PASD1: variants seen among roughly 807,000 people sequenced by gnomAD.
PASD1 encodes circadian clock protein PASD1.
In PASD1, 13 loss-of-function variants were observed where a neutral mutation model predicts 58.8. That is an observed-to-expected ratio of 0.22 (90% CI 0.14 to 0.35). The LOEUF (loss-of-function observed/expected upper bound fraction) is 0.35. Ranked by LOEUF, PASD1 falls within the 10% of genes least tolerant of loss-of-function variation. The pLI, the probability that PASD1 is intolerant of heterozygous loss-of-function variation, is 1.00. For synonymous variants in PASD1, 236 were observed against 216.7 expected (o/e 1.09, Z -0.78); for missense variants, 734 against 568.3 (o/e 1.29, Z -2.96).
intron 2 of PASD1, among the ~76,000 whole-genome samples, chrX:151,603,317 G>A (rs1233917031): frequency 2.7e-5 from 3 of 112,407 alleles, no homozygotes; most frequent in Non-Finnish European, 3.8e-5. Flanking sequence ...TATGTTAGAC[G>A]TTGGGGATAT....
At chrX:151,604,110 A>G (rs1355920775) in intron 2 of PASD1, among the ~76,000 whole-genome samples, 2 of 111,475 alleles carry the variant, frequency 1.8e-5, no homozygotes, top group East Asian at 5.6e-4. Flanking sequence ...GAAACCAGAA[A>G]ACCCTGAAGA....
rs762307064 is a variant in PASD1 at position 151,628,184 on chromosome X, T to C, written c.629+2654T>C. ...TGTTCACTCTGATGGTAGTTTCTTT[T>C]GCTGTGCAGAAGCTCTTTAGTTTAA... is the stretch of plus-strand genomic sequence containing the variant. On this transcript the variant is annotated intron_variant, in intron 8 of 15. Transcript: ENST00000370357. 6.3e-5 allele frequency among the ~76,000 whole-genome samples: 7 copies of C among 111,508 alleles called. No homozygotes were observed. In the East Asian group the frequency reaches 2.0e-3, roughly 31 times the overall value.
rs758824063 is a variant in PASD1, at chrX:151,618,228, T to C, written c.208-2702T>C. On this transcript the variant is annotated intron_variant, in intron 4 of 15. Transcript: ENST00000370357. ...ATTGAGACAGCATCTGTCTGCTAAT[T>C]TGATCATTGACCAGTTCATAGGCTG... is the stretch of plus-strand genomic sequence containing the variant. Among the ~76,000 whole-genome samples, 13 of 111,747 alleles carry C rather than the reference T, an allele frequency of 1.2e-4. No homozygotes were observed. The East Asian group carries it at 2.2e-3, about 19-fold the overall frequency.
chrX:151,607,647 T>C (rs1457647962), intron 3 of PASD1, among the ~76,000 whole-genome samples: 2 of 112,067 alleles, frequency 1.8e-5, no homozygotes, highest in African/African-American at 6.5e-5. Flanking sequence ...GGGAAAATAC[T>C]GTATCTACCA....
At chrX:151,675,737 C>T (rs1207741671) in intron 15 of PASD1, among the ~76,000 whole-genome samples, 1 of 112,013 alleles carries the variant, frequency 8.9e-6, no homozygotes, top group African/African-American at 3.3e-5. Context: ...CAGACACAGA[C>T]CCAGGAGCCT....
intron 8 of PASD1, among the ~76,000 whole-genome samples, chrX:151,632,825 T>A (rs2124281976): frequency 9.0e-6 from 1 of 111,513 alleles, no homozygotes; most frequent in Non-Finnish European, 1.9e-5. Flanking sequence ...TTATGTTCTT[T>A]ATCTATAAAT....
chrX:151,669,742 G>A (rs2014439830), intron 11 of PASD1, among the ~76,000 whole-genome samples: 1 of 111,972 alleles, frequency 8.9e-6, no homozygotes, highest in African/African-American at 3.2e-5. Context: ...TTTTATGGCT[G>A]AATAATATTC....
intron 1 of PASD1, among the ~76,000 whole-genome samples, chrX:151,598,787 G>A (rs1310593215): frequency 9.0e-6 from 1 of 111,433 alleles, no homozygotes; most frequent in Non-Finnish European, 1.9e-5. Context: ...GTTGGGGTAT[G>A]TGTGTCCCTT....
At chrX:151,675,437 C>T (rs757061604) in intron 15 of PASD1, among the ~76,000 whole-genome samples, 14 of 112,162 alleles carry the variant, frequency 1.2e-4, no homozygotes, top group Non-Finnish European at 2.3e-4. Context: ...GTCTTCTCCG[C>T]CCCCTTGGGT....
intron 11 of PASD1, among the ~76,000 whole-genome samples, chrX:151,669,933 C>T (rs1303152939): frequency 2.7e-5 from 3 of 111,687 alleles, no homozygotes; most frequent in Admixed American, 9.6e-5. Flanking sequence ...CTGGATCATA[C>T]GGTAGTTGTA....
intron 8 of PASD1, among the ~76,000 whole-genome samples, chrX:151,642,192 A>C (rs2014006955): frequency 8.9e-6 from 1 of 111,877 alleles, no homozygotes; most frequent in South Asian, 3.7e-4. Flanking sequence ...GTGAGAACGC[A>C]ATGGGCTTTT....
At chrX:151,567,093 T>A (rs368250356) in intron 1 of PASD1, among the ~76,000 whole-genome samples, 41 of 95,700 alleles carry the variant, frequency 4.3e-4, no homozygotes, top group South Asian at 2.3e-3. Context: ...AATAAATAAA[T>A]AAAATAAAAT....
chrX:151,613,495 G>T (rs1294099967), intron 4 of PASD1, among the ~76,000 whole-genome samples: 1 of 108,796 alleles, frequency 9.2e-6, no homozygotes, highest in Non-Finnish European at 1.9e-5. Flanking sequence ...TTATTTCCTT[G>T]AGCAGTGGTT....
At chrX:151,564,274 C>T (rs758934718) in intron 1 of PASD1, among the ~76,000 whole-genome samples, 1 of 112,687 alleles carries the variant, frequency 8.9e-6, no homozygotes, top group Admixed American at 9.3e-5. Context: ...TCCATTACCA[C>T]AGTCGGGGAC....
intron 8 of PASD1, among the ~76,000 whole-genome samples, chrX:151,636,343 G>A (rs766769957): frequency 8.9e-6 from 1 of 111,858 alleles, no homozygotes; most frequent in Non-Finnish European, 1.9e-5. Flanking sequence ...TACAAATAAA[G>A]CTGCAATGAA....
chrX:151,664,782 TC>T, intron 11 of PASD1, among the ~76,000 whole-genome samples: 1 of 112,140 alleles, frequency 8.9e-6, no homozygotes, highest in East Asian at 2.8e-4. Flanking sequence ...AGCTAGGTTT[TC>T]CCAGTGGAAT....
chrX:151,634,476 G>T (rs144313849), intron 8 of PASD1, among the ~76,000 whole-genome samples: 1 of 110,656 alleles, frequency 9.0e-6, no homozygotes, highest in African/African-American at 3.3e-5. Flanking sequence ...TTCAAATTTT[G>T]TCAGTTATCT....
intron 11 of PASD1, among the ~76,000 whole-genome samples, chrX:151,664,825 C>G (rs1281413412): frequency 3.6e-5 from 4 of 111,842 alleles, no homozygotes; most frequent in African/African-American, 1.3e-4. Context: ...ATTTCAGAGT[C>G]GTTAGATATA....
Position 151,664,286 on chromosome X carries a change from C to G in PASD1, c.1009C>G (p.Leu337Val). The change falls in exon 11 of 16, where the codon CTG (leucine) becomes GTG (valine). Residue 337 changes from leucine to valine, a missense_variant. Transcript: ENST00000370357. ...NPVAPLDQAG[L>V]MDPVDPEDSV... ...AGTTGCCCCGTTGGACCAGGCAGGC[C>G]TGATGGATCCAGTGGATCCAGAGGA... 8.3e-7 allele frequency: 1 copy of G among 1,211,478 alleles called. No individual in the cohort carries two copies. Among genetic ancestry groups the G allele is most frequent in the Non-Finnish European group, 1.1e-6 (1 of 895,447 alleles).
Sources: allele counts gnomAD v4.1 joint callset (sites outside exome capture counted in the v4.1 genomes callset), GRCh38; gene constraint gnomAD v4.1.1; transcripts MANE v1.5; gene names NCBI Gene and HGNC (gene_info 2026-07-23, HGNC 2026-07-21).